The following ESR1 variants were observed in gnomAD, a reference collection of about 807,000 sequenced individuals.
ESR1 encodes the protein estrogen receptor 1.
In ESR1, 12 loss-of-function variants were observed where a neutral mutation model predicts 52.7. The ratio of observed to expected loss-of-function variants is 0.23; its 90% CI spans 0.15 to 0.37. The LOEUF is 0.37. ESR1 is among the 10% of genes least tolerant of loss of function. The pLI is 1.00. For synonymous variants in ESR1, 305 were observed against 316.8 expected, an observed-to-expected ratio of 0.96 and a Z score of 0.39; for missense variants, 584 against 779.7, an observed-to-expected ratio of 0.75 and a Z score of 2.99.
chr6:151,663,452 A>G (rs1257780623), intron 1 of ESR1, among the ~76,000 whole-genome samples: 1 of 152,238 alleles, frequency 6.6e-6, no homozygotes, highest in African/African-American at 2.4e-5. Flanking sequence ...TGACTCAAAC[A>G]GTTCTCTTAG....
At chr6:151,815,285 G>T (rs1411600562) in intron 1 of ESR1, among the ~76,000 whole-genome samples, 1 of 152,166 alleles carries the variant, frequency 6.6e-6, no homozygotes, top group African/African-American at 2.4e-5. Flanking sequence ...TAGTTACATT[G>T]AGAAGCTATT....
At chr6:151,988,975 C>T (rs567966415) in intron 4 of ESR1, among the ~76,000 whole-genome samples, 1 of 151,966 alleles carries the variant, frequency 6.6e-6, no homozygotes, top group Admixed American at 6.6e-5. Flanking sequence ...GGGAATAATA[C>T]CTTTATAAAG....
chr6:152,078,917 G>T (rs187382544), intron 6 of ESR1, among the ~76,000 whole-genome samples: 1 of 152,200 alleles, frequency 6.6e-6, no homozygotes, highest in Non-Finnish European at 1.5e-5. Flanking sequence ...TGCTTGATGC[G>T]GGGAGGGGCG....
intron 2 of ESR1, among the ~76,000 whole-genome samples, chr6:151,746,315 A>G (rs1170369122): frequency 6.6e-6 from 1 of 152,186 alleles, no homozygotes; most frequent in Non-Finnish European, 1.5e-5. Context: ...GAGAACACTA[A>G]ATTAAATTTG....
At chr6:152,087,269 A>T (rs1167762693) in intron 6 of ESR1, among the ~76,000 whole-genome samples, 1 of 152,224 alleles carries the variant, frequency 6.6e-6, no homozygotes, top group East Asian at 1.9e-4. Context: ...TGACTTCTAA[A>T]TAACTTCTCA....
chr6:151,663,225 G>A (rs768143895), intron 1 of ESR1, among the ~76,000 whole-genome samples: 14 of 152,230 alleles, frequency 9.2e-5, no homozygotes, highest in Non-Finnish European at 1.9e-4. Context: ...CAGTAAGGAG[G>A]TGGTTTAGAA....
chr6:151,695,913 G>A (rs1433680615), intron 1 of ESR1, among the ~76,000 whole-genome samples: 2 of 151,892 alleles, frequency 1.3e-5, no homozygotes, highest in African/African-American at 4.8e-5. Context: ...TTTCTAATAA[G>A]CAATTTTGGA....
At chr6:151,958,681 A>T (rs2037284789) in intron 4 of ESR1, among the ~76,000 whole-genome samples, 1 of 152,212 alleles carries the variant, frequency 6.6e-6, no homozygotes, top group African/African-American at 2.4e-5. Flanking sequence ...GTTATAGATC[A>T]AAATGCACAC....
chr6:151,861,636 AG>A (rs1213369999), intron 2 of ESR1, among the ~76,000 whole-genome samples: 1 of 152,222 alleles, frequency 6.6e-6, no homozygotes, highest in Non-Finnish European at 1.5e-5. Context: ...CATCTGGGTT[AG>A]GGTCTCAGGA....
intron 6 of ESR1, among the ~76,000 whole-genome samples, chr6:152,089,231 A>G (rs911406137): frequency 1.3e-5 from 2 of 152,220 alleles, no homozygotes; most frequent in Admixed American, 6.5e-5. Flanking sequence ...ACTTCTTATC[A>G]TGTTACAAAT....
intron 5 of ESR1, among the ~76,000 whole-genome samples, chr6:152,023,465 A>T (rs2043856529): frequency 6.6e-6 from 1 of 152,198 alleles, no homozygotes; most frequent in Admixed American, 6.5e-5. Flanking sequence ...TGGCTAAAAC[A>T]TTTTAAAGAC....
intron 6 of ESR1, among the ~76,000 whole-genome samples, chr6:152,064,555 T>C (rs1261349085): frequency 6.6e-6 from 1 of 152,232 alleles, no homozygotes; most frequent in East Asian, 1.9e-4. Context: ...TATTCAATAA[T>C]TCAATGTTTA....
At chr6:151,670,196 A>G (rs1410001656) in intron 1 of ESR1, among the ~76,000 whole-genome samples, 3 of 152,162 alleles carry the variant, frequency 2.0e-5, no homozygotes, top group African/African-American at 7.2e-5. Flanking sequence ...TAGCTAGCCT[A>G]TCTTCCTGCA....
At chr6:151,844,405 G>C (rs760059948) in intron 2 of ESR1, among the ~76,000 whole-genome samples, 2 of 152,100 alleles carry the variant, frequency 1.3e-5, no homozygotes, top group African/African-American at 4.8e-5. Context: ...TTAGTAGATA[G>C]GTCTAACTGC....
intron 3 of ESR1, among the ~76,000 whole-genome samples, chr6:151,899,765 C>A (rs186812658): frequency 0.024 from 3,651 of 150,666 alleles, 144 homozygotes; most frequent in East Asian, 0.088. Context: ...GACGGGGCGG[C>A]AGGGCAGAGG....
chr6:151,859,860 A>G (rs1253663840), intron 2 of ESR1, among the ~76,000 whole-genome samples: 2 of 152,114 alleles, frequency 1.3e-5, no homozygotes, highest in East Asian at 1.9e-4. Context: ...GATGTCTACT[A>G]TGTTTGATGT....
rs536430118 is a variant in ESR1 at position 151,857,795 on chromosome 6, C to T, written c.643+15008C>T. Among the ~76,000 whole-genome samples, 26 of 152,268 alleles carry T rather than the reference C, an allele frequency of 1.7e-4. 1 individual carries two copies. In the South Asian group the frequency reaches 4.4e-3, roughly 26 times the overall value. On this transcript the variant is annotated intron_variant, in intron 2 of 7. Coordinates refer to ENST00000206249, the MANE Select transcript of ESR1 (RefSeq NM_000125.4). ...TTGCCTGCCTCGGTCTCCCAAAGTG[C>T]TGGGATTACAGATGTGAGCTACCAC... is the stretch of plus-strand genomic sequence containing the variant.
chr6:151,673,460 G>GTAT (rs1778146546), intron 1 of ESR1, among the ~76,000 whole-genome samples: 1 of 152,036 alleles, frequency 6.6e-6, no homozygotes, highest in Non-Finnish European at 1.5e-5. Flanking sequence ...AAATGCCTTG[G>GTAT]TATTAACGTG....
chr6:152,123,342 T>C (rs915995094), intron 6 of ESR1, among the ~76,000 whole-genome samples: 1 of 152,216 alleles, frequency 6.6e-6, no homozygotes, highest in African/African-American at 2.4e-5. Flanking sequence ...ATGATGTAGA[T>C]GCTAGGCTGA....
Sources: allele counts gnomAD v4.1 joint callset (sites outside exome capture counted in the v4.1 genomes callset), GRCh38; gene constraint gnomAD v4.1.1; transcripts MANE v1.5; gene names NCBI Gene and HGNC (gene_info 2026-07-23, HGNC 2026-07-21).